Variants in PARD6G observed in about 807,000 individuals in gnomAD.
PARD6G encodes the protein partitioning defective 6 homolog gamma.
PARD6G carries 7 observed loss-of-function variants against 10.7 expected under a neutral mutation model. The ratio of observed to expected loss-of-function variants is 0.66; its 90% CI spans 0.37 to 1.23. The LOEUF (loss-of-function observed/expected upper bound fraction) is 1.23, where lower values mean the gene tolerates loss of function less well. Among genes scored for constraint, PARD6G ranks in the 50% most tolerant of loss-of-function variants. The pLI is 0.02. For missense variants in PARD6G, 548 were observed against 571.8 expected (o/e 0.96, Z 0.42); for synonymous variants, 287 against 269.4 (o/e 1.07, Z -0.64).
intron 1 of PARD6G, among the ~76,000 whole-genome samples, chr18:80,245,318 G>T (rs1338413278): frequency 6.6e-6 from 1 of 152,156 alleles, no homozygotes; most frequent in African/African-American, 2.4e-5. Flanking sequence ...GGGCAAATGA[G>T]CACAGAAGTG....
intron 1 of PARD6G, among the ~76,000 whole-genome samples, chr18:80,209,692 G>A (rs891492435): frequency 6.6e-6 from 1 of 152,084 alleles, no homozygotes; most frequent in Admixed American, 6.5e-5. Flanking sequence ...CACGCCTGTA[G>A]TCTCAATCAC....
chr18:80,160,434 G>T lies in PARD6G; in HGVS notation c.468C>A (p.His156Gln). 6.3e-7 allele frequency: 1 copy of T among 1,586,946 alleles called. No individual in the cohort carries two copies. The highest frequency in any genetic ancestry group is 8.6e-7 in the Non-Finnish European group (1 of 1,166,566). The change falls in exon 3 of 3, where the codon CAC (histidine) becomes CAA (glutamine). Residue 156 changes from histidine (H) to glutamine (Q), a missense_variant. By Grantham distance (24) the His-to-Gln change is conservative (BLOSUM62 0). Transcript: ENST00000353265. ...CGTGCCGGTGCAGCCGCACTCGCCG[G>T]TGCGTCTCGGGGACCAGGTCCACAT... Reference protein sequence around the residue: ...IIDVDLVPETHRRVRLHRHGC... With the variant: ...IIDVDLVPETQRRVRLHRHGC...
rs1967324290 is a variant in PARD6G, at chr18:80,228,675, G to C, written c.72+18602C>G. ...CCCGCCCACTGAGGCCCCATCCCCT[G>C]CCCACAGACTGCGCCTCCCACCTAA... On this transcript the variant is annotated intron_variant, in intron 1 of 2. Coordinates refer to ENST00000353265, the MANE Select transcript of PARD6G (RefSeq NM_032510.4). The surrounding 1 kb of genome is among the most constrained non-coding windows in gnomAD (Gnocchi z 4.6). 6.8e-6 allele frequency among the ~76,000 whole-genome samples: 1 copy of C among 147,634 alleles called. No individual in the cohort carries two copies. Among genetic ancestry groups the C allele is most frequent in the Non-Finnish European group, 1.5e-5 (1 of 67,014 alleles).
At chr18:80,168,231 C>A (rs1359592458) in intron 2 of PARD6G, among the ~76,000 whole-genome samples, 7 of 152,194 alleles carry the variant, frequency 4.6e-5, no homozygotes, top group African/African-American at 1.7e-4. Flanking sequence ...GAAGTACTGC[C>A]CGCATGCAGC....
rs754079423 is a variant in PARD6G at position 80,189,882 on chromosome 18, T to C, written c.295+12828A>G. 2.0e-5 allele frequency among the ~76,000 whole-genome samples: 3 copies of C among 152,192 alleles called. No homozygotes were observed. Among genetic ancestry groups the C allele is most frequent in the Non-Finnish European group, 4.4e-5 (3 of 68,048 alleles). ...TAAACAGCTGGTTTGAAATACCATGTAGGATATGATTTATCTACCAAAGAG... is the reference window on the plus strand; with the variant it reads ...TAAACAGCTGGTTTGAAATACCATGCAGGATATGATTTATCTACCAAAGAG... On this transcript the variant is annotated intron_variant, in intron 2 of 2. Coordinates refer to ENST00000353265, the MANE Select transcript of PARD6G (RefSeq NM_032510.4). The surrounding 1 kb of genome is among the most constrained non-coding windows in gnomAD (Gnocchi z 5.5).
At chr18:80,196,300 G>C (rs1354658151) in intron 2 of PARD6G, among the ~76,000 whole-genome samples, 1 of 152,164 alleles carries the variant, frequency 6.6e-6, no homozygotes, top group Non-Finnish European at 1.5e-5. Flanking sequence ...TGAGAGGCCT[G>C]GAATGATTCT....
rs1181019030 is a variant in PARD6G, at chr18:80,181,305, C to T, written c.296-20699G>A. Among the ~76,000 whole-genome samples the T allele has an allele frequency of 1.1e-4, 16 of 152,160 alleles. No homozygotes were observed. Among genetic ancestry groups the T allele is most frequent in the African/African-American group, 1.9e-4 (8 of 41,430 alleles). Reference sequence around the variant, plus strand: ...CCCCTGGTCCCTCAGCCAAGTCAGCCGATGTCCCCAGCTGGGATGTCTGCG... The same window carrying T: ...CCCCTGGTCCCTCAGCCAAGTCAGCTGATGTCCCCAGCTGGGATGTCTGCG... On this transcript the variant is annotated intron_variant, in intron 2 of 2. Transcript: ENST00000353265. The surrounding 1 kb of genome is among the most constrained non-coding windows in gnomAD (Gnocchi z 7.9).
rs192957015 is a variant in PARD6G at position 80,158,213 on chromosome 18, A to C, written c.*1558T>G. ...AGTTCCACGTGACTTCTTATAGTTAAAAGTGAGAACTGCCAGTGACCATTC... is the reference window on the plus strand; with the variant it reads ...AGTTCCACGTGACTTCTTATAGTTACAAGTGAGAACTGCCAGTGACCATTC... On this transcript the variant is annotated 3_prime_UTR_variant, in exon 3 of 3. Transcript: ENST00000353265. 7.9e-5 allele frequency: 12 copies of C among 152,356 alleles called. No individual in the cohort carries two copies. Among genetic ancestry groups the C allele is most frequent in the Non-Finnish European group, 8.8e-5 (6 of 68,038 alleles). The allele number at this position is 152,356 out of a possible 1,614,324, so 9.4% of individuals were successfully genotyped here.
At position 80,159,946 on chromosome 18, in the gene PARD6G, G is replaced by T; in HGVS notation, c.956C>A (p.Pro319His). The change falls in exon 3 of 3, where the codon CCC becomes CAC. Residue 319 changes from proline to histidine, a missense_variant. Pro to His is a moderately conservative substitution (Grantham distance 77, BLOSUM62 -2). Coordinates refer to ENST00000353265, the MANE Select transcript of PARD6G (RefSeq NM_032510.4). ...ATTGACCCGGGAGAGGCTGCCTGCG[G>T]GCGCGCCCGGGGTCTGGGGGGGACG... Reference protein sequence around the residue: ...PARPPQTPGAPAGSLSRVNGA... With the variant: ...PARPPQTPGAHAGSLSRVNGA... 1.3e-6 allele frequency: 2 copies of T among 1,498,358 alleles called. No individual in the cohort carries two copies. 92.8% of individuals were successfully genotyped at this position (1,498,358 alleles called of 1,614,324 possible).
At chr18:80,187,273 G>A (rs987921078) in intron 2 of PARD6G, among the ~76,000 whole-genome samples, 22 of 152,178 alleles carry the variant, frequency 1.4e-4, no homozygotes, top group African/African-American at 5.3e-4. Flanking sequence ...GTGGGTGGGT[G>A]CTGTCAGGCT....
rs952119481 is a variant in PARD6G, at chr18:80,187,116, G to A, written c.295+15594C>T. On this transcript the variant is annotated intron_variant, in intron 2 of 2. Coordinates refer to ENST00000353265, the MANE Select transcript of PARD6G (RefSeq NM_032510.4). ...TGTCTCAAGAAAAAAAAAAAAAAGA[G>A]AAATCAAGGAAGAATCCACTAAGGG... is the stretch of plus-strand genomic sequence containing the variant. 5.9e-5 allele frequency among the ~76,000 whole-genome samples: 9 copies of A among 151,532 alleles called. No homozygotes were observed. The South Asian group carries it at 1.7e-3, about 28-fold the overall frequency.
chr18:80,179,528 A>G (rs1325378673), intron 2 of PARD6G, among the ~76,000 whole-genome samples: 2 of 152,212 alleles, frequency 1.3e-5, no homozygotes, highest in Non-Finnish European at 2.9e-5. Flanking sequence ...CCCACCCAGG[A>G]GGCTTGCTTT....
chr18:80,224,623 G>A (rs1390004348), intron 1 of PARD6G, among the ~76,000 whole-genome samples: 4 of 152,144 alleles, frequency 2.6e-5, no homozygotes, highest in Admixed American at 6.5e-5. Flanking sequence ...CGAGGCGGGC[G>A]GATCACGAGG....
intron 1 of PARD6G, among the ~76,000 whole-genome samples, chr18:80,203,503 G>T (rs951499979): frequency 1.3e-5 from 2 of 152,272 alleles, no homozygotes; most frequent in African/African-American, 4.8e-5. Context: ...CAACACAGAT[G>T]AATATCCTGA....
intron 1 of PARD6G, among the ~76,000 whole-genome samples, chr18:80,223,088 C>T (rs1967250541): frequency 1.3e-5 from 2 of 152,124 alleles, no homozygotes; most frequent in Admixed American, 1.3e-4. Flanking sequence ...TAAAGCTGGA[C>T]CTCTACCTCA....
chr18:80,233,656 G>C (rs1010322350), intron 1 of PARD6G, among the ~76,000 whole-genome samples: 1 of 152,120 alleles, frequency 6.6e-6, no homozygotes, highest in Non-Finnish European at 1.5e-5. Flanking sequence ...ACCTAAAAAT[G>C]ACAGCTGTAA....
chr18:80,182,257 C>T lies in PARD6G; in HGVS notation c.295+20453G>A, dbSNP rs1422508269. ...GCTCTGAGGAACAGCAGCCACTTGC[C>T]CACTGGCCCCCAGCCCTCCCTGAAG... On this transcript the variant is annotated intron_variant, in intron 2 of 2. Transcript: ENST00000353265. This position sits in a 1 kb window ranked among gnomAD's most constrained non-coding sequence, Gnocchi z 4.5. 6.6e-6 allele frequency among the ~76,000 whole-genome samples: 1 copy of T among 152,210 alleles called. No individual in the cohort carries two copies. Among genetic ancestry groups the T allele is most frequent in the African/African-American group, 2.4e-5 (1 of 41,456 alleles).
chr18:80,216,493 CTAAT>C (rs1420693352), intron 1 of PARD6G, among the ~76,000 whole-genome samples: 2 of 151,766 alleles, frequency 1.3e-5, no homozygotes, highest in Non-Finnish European at 2.9e-5. Context: ...CAAATAAGTG[CTAAT>C]TAAACATACC....
rs529328316 is a variant in PARD6G at position 80,233,361 on chromosome 18, C to T, written c.72+13916G>A. ...ACAGGACCCAGGAGGCCTGTCCCCA[C>T]AGCTGGGCCTGCACTCCCTCTCATC... On this transcript the variant is annotated intron_variant, in intron 1 of 2. Transcript: ENST00000353265. Among the ~76,000 whole-genome samples, 97 of 152,328 alleles carry T rather than the reference C, an allele frequency of 6.4e-4. 1 individual carries two copies. The highest frequency in any genetic ancestry group is 2.1e-3 in the African/African-American group (89 of 41,572).
Sources: gnomAD v4.1 joint callset for allele counts (sites outside exome capture counted in the v4.1 genomes callset) on GRCh38, gnomAD v4.1.1 for gene constraint, Gnocchi (gnomAD v3.1) non-coding constraint, MANE v1.5 for transcripts, NCBI Gene and HGNC (gene_info 2026-07-23, HGNC 2026-07-21) for gene names.